Variants in CDC14A observed in about 807,000 individuals in gnomAD.
CDC14A encodes the protein dual specificity protein phosphatase CDC14A.
A neutral mutation model predicts 74.4 loss-of-function variants in CDC14A; 53 were observed. That is an observed-to-expected ratio of 0.71 (90% confidence interval 0.57 to 0.89). The LOEUF (loss-of-function observed/expected upper bound fraction) is 0.89, where lower values mean the gene tolerates loss of function less well. Among genes scored for constraint, CDC14A ranks in the 40% least tolerant of loss-of-function variants. The pLI, the probability that CDC14A is intolerant of heterozygous loss-of-function variation, is 0.00. For synonymous variants in CDC14A, 247 were observed against 258.4 expected, an observed-to-expected ratio of 0.96 and a Z score of 0.43; for missense variants, 646 against 713.7, an observed-to-expected ratio of 0.91 and a Z score of 1.08.
Position 100,457,625 on chromosome 1 carries a change from G to GAT in CDC14A, c.607+2133_607+2134insAT, listed in dbSNP as rs1557779811. Among the ~76,000 whole-genome samples, 601 of 122,150 alleles carry GAT rather than the reference G, an allele frequency of 4.9e-3. 7 individuals carry two copies. Among genetic ancestry groups the GAT allele is most frequent in the African/African-American group, 0.022 (536 of 24,338 alleles). The allele number at this position is 122,150 out of a possible 152,430, so 80.1% of individuals were successfully genotyped here. A position where few individuals can be genotyped will look rare whatever the true frequency, so the allele number is the denominator to read the frequency against. On this transcript the variant is annotated intron_variant, in intron 8 of 15. Transcript: ENST00000336454. The stretch of plus-strand genomic sequence containing the variant: ...AAGGCACAGCCCACCACACCTGGCT[G>GAT]GTTTTTTTTTTTTTTTTTAATTTTT...
chr1:100,516,365 T>C (rs1650227115), intron 15 of CDC14A, among the ~76,000 whole-genome samples: 1 of 152,166 alleles, frequency 6.6e-6, no homozygotes. Context: ...TTAACAAAGG[T>C]CGCTTGTCTA....
At chr1:100,420,001 T>TATATATATATAC (rs1297074890) in intron 4 of CDC14A, among the ~76,000 whole-genome samples, 9 of 128,556 alleles carry the variant, frequency 7.0e-5, no homozygotes, top group Non-Finnish European at 8.1e-5. Context: ...CTTTTAAATA[T>TATATATATATAC]ATATATATAT....
chr1:100,399,212 A>C (rs1310737443), intron 4 of CDC14A, among the ~76,000 whole-genome samples: 1 of 152,138 alleles, frequency 6.6e-6, no homozygotes, highest in Non-Finnish European at 1.5e-5. Flanking sequence ...AATTTAGCCT[A>C]TGTATGTTTT....
chr1:100,500,931 CCA>C (rs1363093860), intron 15 of CDC14A, among the ~76,000 whole-genome samples: 1 of 151,364 alleles, frequency 6.6e-6, no homozygotes, highest in East Asian at 1.9e-4. Context: ...CCCTCTCTGT[CCA>C]CTCTCAACCC....
intron 3 of CDC14A, among the ~76,000 whole-genome samples, chr1:100,385,399 T>C (rs1008700369): frequency 1.3e-5 from 2 of 152,222 alleles, no homozygotes; most frequent in Non-Finnish European, 2.9e-5. Context: ...TAATAAGCCC[T>C]GCAGGTGATT....
intron 5 of CDC14A, among the ~76,000 whole-genome samples, chr1:100,438,401 A>C (rs769850670): frequency 4.0e-4 from 61 of 152,196 alleles, no homozygotes; most frequent in Non-Finnish European, 5.6e-4. Context: ...AGAGACTCTG[A>C]ACCCCAAAGA....
intron 3 of CDC14A, 121 bp from the exon 4 acceptor site, chr1:100,390,611 G>T: frequency 1.6e-6 from 1 of 634,608 alleles, no homozygotes; most frequent in South Asian, 2.0e-5. Context: ...AATTAAAGTT[G>T]AAAGTTGTTA....
At chr1:100,426,999 G>A (rs150236964) in intron 5 of CDC14A, among the ~76,000 whole-genome samples, 1 of 152,280 alleles carries the variant, frequency 6.6e-6, no homozygotes, top group Admixed American at 6.5e-5. Flanking sequence ...AAGATAAGAT[G>A]TGAGTTGTTT....
chr1:100,349,277 C>A (rs1470450802), upstream of CDC14A, among the ~76,000 whole-genome samples: 1 of 152,010 alleles, frequency 6.6e-6, no homozygotes, highest in East Asian at 1.9e-4. Context: ...ATATTACCTT[C>A]CTTTTGTGCA....
At chr1:100,475,206 T>C (rs1668769865) in intron 10 of CDC14A, among the ~76,000 whole-genome samples, 1 of 152,234 alleles carries the variant, frequency 6.6e-6, no homozygotes, top group African/African-American at 2.4e-5. Flanking sequence ...ACCCACTCAC[T>C]GAATTTTACA....
chr1:100,347,528 T>G (rs1400916045), upstream of CDC14A, among the ~76,000 whole-genome samples: 5 of 152,224 alleles, frequency 3.3e-5, no homozygotes, highest in African/African-American at 9.6e-5. Flanking sequence ...TAGGCTAAGG[T>G]CTTATCATTT....
chr1:100,367,033 G>A (rs1430387837), intron 2 of CDC14A, among the ~76,000 whole-genome samples: 2 of 152,188 alleles, frequency 1.3e-5, no homozygotes, highest in Non-Finnish European at 2.9e-5. Flanking sequence ...GGGGACCCGT[G>A]CTTGGCTGTG....
chr1:100,421,299 T>C (rs1245259834), intron 4 of CDC14A, among the ~76,000 whole-genome samples: 1 of 152,190 alleles, frequency 6.6e-6, no homozygotes, highest in Non-Finnish European at 1.5e-5. Flanking sequence ...ATTCAGAAAA[T>C]ATTTTTATGA....
intron 4 of CDC14A, among the ~76,000 whole-genome samples, chr1:100,420,724 AC>A (rs1662264491): frequency 6.6e-6 from 1 of 152,212 alleles, no homozygotes; most frequent in Non-Finnish European, 1.5e-5. Context: ...GGTGGTACCT[AC>A]GGCAGAAGTT....
Position 100,392,976 on chromosome 1 carries a change from T to C in CDC14A, c.309+2152T>C, listed in dbSNP as rs759213709. On this transcript the variant is annotated intron_variant, in intron 4 of 15. Transcript: ENST00000336454. The stretch of plus-strand genomic sequence containing the variant: ...GTTGCTGTTGTCCTTAACAGTTCAT[T>C]AAAAGTTCAGATGCCTTTTGTGAGA... The C allele has an allele frequency of 9.5e-5, 110 of 1,157,212 alleles. 1 individual carries two copies. The highest frequency in any genetic ancestry group is 1.3e-4 in the Non-Finnish European group (104 of 811,128). 71.7% of individuals were successfully genotyped at this position (1,157,212 alleles called of 1,614,324 possible).
At chr1:100,373,324 A>G (rs542383232) in intron 2 of CDC14A, among the ~76,000 whole-genome samples, 1 of 152,356 alleles carries the variant, frequency 6.6e-6, no homozygotes, top group African/African-American at 2.4e-5. Context: ...ACATTTATCA[A>G]TTAAGTTTGC....
intron 4 of CDC14A, among the ~76,000 whole-genome samples, chr1:100,399,758 A>G (rs1402372793): frequency 6.6e-6 from 1 of 151,884 alleles, no homozygotes; most frequent in African/African-American, 2.4e-5. Context: ...AGACCCAGCT[A>G]CCTGGAGACT....
intron 2 of CDC14A, among the ~76,000 whole-genome samples, chr1:100,368,692 G>T (rs927163605): frequency 1.3e-5 from 2 of 152,162 alleles, no homozygotes; most frequent in Admixed American, 1.3e-4. Context: ...TGTCACCCAG[G>T]TAGTGAGCAT....
At chr1:100,389,314 C>G (rs1037898885) in intron 3 of CDC14A, among the ~76,000 whole-genome samples, 1 of 151,216 alleles carries the variant, frequency 6.6e-6, no homozygotes, top group Non-Finnish European at 1.5e-5. Context: ...AAAAATTAGC[C>G]GGGCGTGGTT....
Sources: allele counts gnomAD v4.1 joint callset (sites outside exome capture counted in the v4.1 genomes callset), GRCh38; gene constraint gnomAD v4.1.1; transcripts MANE v1.5; gene names NCBI Gene and HGNC (gene_info 2026-07-23, HGNC 2026-07-21).